Variants in MSRA observed in about 807,000 individuals in gnomAD.
The protein encoded by MSRA is mitochondrial peptide methionine sulfoxide reductase.
MSRA carries 54 observed loss-of-function variants against 31.3 expected under a neutral mutation model. The observed-to-expected ratio is 1.73, with a 90% CI of 1.39 to 2.17. The LOEUF (loss-of-function observed/expected upper bound fraction) is 2.17, where lower values mean the gene tolerates loss of function less well. Among genes scored for constraint, MSRA ranks in the 30% most tolerant of loss-of-function variants. The pLI, the probability that MSRA is intolerant of heterozygous loss-of-function variation, is 0.00. For synonymous variants in MSRA, 169 were observed against 116.5 expected, an observed-to-expected ratio of 1.45 and a Z score of -2.90; for missense variants, 507 against 300.9, an observed-to-expected ratio of 1.69 and a Z score of -5.07.
intron 1 of MSRA, chr8:10,096,331 A>G (rs1328565721): frequency 3.8e-6 from 4 of 1,061,458 alleles, no homozygotes; most frequent in Non-Finnish European, 1.1e-6. Flanking sequence ...GAGCTTGGTC[A>G]TTATTTTTTT....
chr8:10,134,214 C>G (rs747493084), intron 1 of MSRA, among the ~76,000 whole-genome samples: 1 of 152,230 alleles, frequency 6.6e-6, no homozygotes, highest in Non-Finnish European at 1.5e-5. Context: ...TGTTCACTCT[C>G]TGCACCTTTC....
At chr8:10,279,654 G>C (rs1339125784) in intron 3 of MSRA, among the ~76,000 whole-genome samples, 1 of 152,178 alleles carries the variant, frequency 6.6e-6, no homozygotes, top group East Asian at 1.9e-4. Context: ...AAATGGTTGA[G>C]TATTAACAGT....
chr8:10,339,800 C>G (rs1156235304), intron 5 of MSRA, among the ~76,000 whole-genome samples: 1 of 151,928 alleles, frequency 6.6e-6, no homozygotes, highest in Non-Finnish European at 1.5e-5. Flanking sequence ...CTCGGCCTCC[C>G]AAAGTGCTGG....
At chr8:10,289,225 G>C (rs1244436139) in intron 3 of MSRA, among the ~76,000 whole-genome samples, 1 of 152,040 alleles carries the variant, frequency 6.6e-6, no homozygotes, top group East Asian at 1.9e-4. Context: ...ATGTTGGCCA[G>C]GATGGTCTTG....
intron 1 of MSRA, among the ~76,000 whole-genome samples, chr8:10,176,373 G>T (rs1222408959): frequency 6.6e-6 from 1 of 152,170 alleles, no homozygotes; most frequent in African/African-American, 2.4e-5. Flanking sequence ...GAAGAATAGG[G>T]CTTAGTTCAC....
intron 1 of MSRA, chr8:10,095,894 T>C: frequency 7.7e-7 from 1 of 1,305,720 alleles, no homozygotes; most frequent in East Asian, 2.8e-5. Context: ...TGTATGATTA[T>C]ACCATGAGAG....
intron 5 of MSRA, among the ~76,000 whole-genome samples, chr8:10,346,792 A>T (rs543220476): frequency 1.3e-5 from 2 of 152,338 alleles, no homozygotes; most frequent in Admixed American, 1.3e-4. Flanking sequence ...AGGGAAATTA[A>T]TCAAGTCCTT....
rs372818934 is a variant in MSRA, at chr8:10,403,855, C to G, written c.544-24293C>G. Among the ~76,000 whole-genome samples, 424 of 152,318 alleles carry G rather than the reference C, an allele frequency of 2.8e-3. 7 individuals are homozygous for G. The highest frequency in any genetic ancestry group is 9.6e-3 in the African/African-American group (398 of 41,572). ...CTGAGTTGCCTCACCTCTTCAGGAC[C>G]TAGGCTTCCCATCTGGTGCACAGGG... On this transcript the variant is annotated intron_variant, in intron 5 of 5. Coordinates refer to ENST00000317173, the MANE Select transcript of MSRA (RefSeq NM_012331.5).
intron 1 of MSRA, among the ~76,000 whole-genome samples, chr8:10,135,696 C>A (rs901059738): frequency 2.0e-5 from 3 of 152,076 alleles, no homozygotes; most frequent in Admixed American, 2.0e-4. Context: ...TTAGGTTGAC[C>A]CATATGAAAT....
At chr8:10,194,941 A>C (rs1807845603) in intron 1 of MSRA, among the ~76,000 whole-genome samples, 1 of 152,246 alleles carries the variant, frequency 6.6e-6, no homozygotes, top group Non-Finnish European at 1.5e-5. Flanking sequence ...CATCACACAG[A>C]AGTTCAAAAG....
chr8:10,208,339 C>A (rs1053787110), intron 2 of MSRA, among the ~76,000 whole-genome samples: 1 of 152,106 alleles, frequency 6.6e-6, no homozygotes, highest in African/African-American at 2.4e-5. Flanking sequence ...ATTAAGCACG[C>A]TCCTTAAGAG....
chr8:10,390,345 C>G (rs1219155364), intron 5 of MSRA, among the ~76,000 whole-genome samples: 1 of 152,068 alleles, frequency 6.6e-6, no homozygotes, highest in Non-Finnish European at 1.5e-5. Flanking sequence ...ATGAGTGCAT[C>G]CAGGACAGAT....
intron 1 of MSRA, among the ~76,000 whole-genome samples, chr8:10,136,268 C>T (rs183181965): frequency 8.5e-5 from 13 of 152,276 alleles, no homozygotes; most frequent in African/African-American, 1.9e-4. Context: ...TAGAGGAGGG[C>T]GTCCTTATCT....
At chr8:10,101,748 A>T (rs766192090) in intron 1 of MSRA, among the ~76,000 whole-genome samples, 1 of 152,144 alleles carries the variant, frequency 6.6e-6, no homozygotes, top group Non-Finnish European at 1.5e-5. Context: ...ATAATACTCT[A>T]TTGTATGGAC....
At chr8:10,357,106 G>A (rs1442489303) in intron 5 of MSRA, among the ~76,000 whole-genome samples, 1 of 152,166 alleles carries the variant, frequency 6.6e-6, no homozygotes, top group South Asian at 2.1e-4. Context: ...TAACAAAGTA[G>A]TGATGCTTTT....
intron 3 of MSRA, among the ~76,000 whole-genome samples, chr8:10,285,152 C>T (rs533891026): frequency 3.9e-5 from 6 of 152,226 alleles, no homozygotes; most frequent in Admixed American, 6.5e-5. Flanking sequence ...ATCCACTCCT[C>T]GAGCTCTCTT....
At chr8:10,154,212 G>A (rs1054273094) in intron 1 of MSRA, among the ~76,000 whole-genome samples, 1 of 152,192 alleles carries the variant, frequency 6.6e-6, no homozygotes, top group African/African-American at 2.4e-5. Context: ...TGGTGGACAC[G>A]CGTGCTTGAA....
chr8:10,423,046 C>T (rs988335123), intron 5 of MSRA, among the ~76,000 whole-genome samples: 20 of 152,198 alleles, frequency 1.3e-4, no homozygotes, highest in African/African-American at 4.8e-4. Flanking sequence ...GGTGCAGCCT[C>T]CTTATTGGAA....
At chr8:10,393,470 A>T (rs894648887) in intron 5 of MSRA, among the ~76,000 whole-genome samples, 5 of 152,224 alleles carry the variant, frequency 3.3e-5, no homozygotes, top group Admixed American at 2.6e-4. Flanking sequence ...TGGCACAAAC[A>T]TTCTATGGCT....
Sources: allele counts gnomAD v4.1 joint callset (sites outside exome capture counted in the v4.1 genomes callset), GRCh38; gene constraint gnomAD v4.1.1; transcripts MANE v1.5; gene names NCBI Gene and HGNC (gene_info 2026-07-23, HGNC 2026-07-21).